Variants in RAD51B observed in about 807,000 individuals in gnomAD.
RAD51B encodes the protein RAD51 paralog B.
A neutral mutation model predicts 42.2 loss-of-function variants in RAD51B; 38 were observed. That is an observed-to-expected ratio of 0.90 (90% CI 0.70 to 1.18). The LOEUF (loss-of-function observed/expected upper bound fraction) is 1.18, where lower values mean the gene tolerates loss of function less well. Among genes scored for constraint, RAD51B ranks in the 50% most tolerant of loss-of-function variants. The pLI is 0.00. For synonymous variants in RAD51B, 154 were observed against 145.2 expected, an observed-to-expected ratio of 1.06 and a Z score of -0.43; for missense variants, 373 against 400.7, an observed-to-expected ratio of 0.93 and a Z score of 0.59.
intron 7 of RAD51B, among the ~76,000 whole-genome samples, chr14:68,179,003 T>C (rs986476302): frequency 6.6e-6 from 1 of 152,204 alleles, no homozygotes; most frequent in African/African-American, 2.4e-5. Flanking sequence ...CCAAGTGTTA[T>C]AAAATGATTG....
chr14:68,599,199 A>G (rs1891122987), downstream of RAD51B, among the ~76,000 whole-genome samples: 1 of 152,218 alleles, frequency 6.6e-6, no homozygotes, highest in Non-Finnish European at 1.5e-5. Context: ...GTGTGGGCAT[A>G]TCTCCATAGC....
At chr14:68,087,081 G>A (rs2076996721) in intron 7 of RAD51B, among the ~76,000 whole-genome samples, 1 of 151,506 alleles carries the variant, frequency 6.6e-6, no homozygotes, top group East Asian at 1.9e-4. Context: ...GTTGCAGTGA[G>A]CCAAGATTGC....
chr14:68,207,428 G>A (rs1408072815), intron 7 of RAD51B, among the ~76,000 whole-genome samples: 1 of 152,166 alleles, frequency 6.6e-6, no homozygotes, highest in African/African-American at 2.4e-5. Flanking sequence ...AGTGGGGGAA[G>A]ATAGAAAATC....
intron 7 of RAD51B, among the ~76,000 whole-genome samples, chr14:68,260,176 G>A (rs2080849106): frequency 6.6e-6 from 1 of 151,932 alleles, no homozygotes; most frequent in African/African-American, 2.4e-5. Context: ...CATCCCCATG[G>A]GTCTTGGGAA....
chr14:67,954,306 G>A lies in RAD51B; in HGVS notation c.756+67102G>A, dbSNP rs140477241. ...GGTAAGATTCTTTGTGCTTAATTCC[G>A]CACTCAGGACAGACTTGGTGAGTCT... On this transcript the variant is annotated intron_variant, in intron 7 of 10. Transcript: ENST00000471583. 3.8e-3 allele frequency among the ~76,000 whole-genome samples: 571 copies of A among 152,178 alleles called. 2 individuals carry two copies. Among genetic ancestry groups the A allele is most frequent in the Non-Finnish European group, 4.9e-3 (332 of 67,994 alleles).
intron 10 of RAD51B, among the ~76,000 whole-genome samples, chr14:68,577,211 A>C (rs1890000300): frequency 6.6e-6 from 1 of 152,204 alleles, no homozygotes; most frequent in Admixed American, 6.5e-5. Context: ...AAGGAGACAC[A>C]TGGGTCCGGG....
chr14:67,860,049 C>T (rs1182243321), intron 4 of RAD51B, among the ~76,000 whole-genome samples: 5 of 152,022 alleles, frequency 3.3e-5, no homozygotes, highest in African/African-American at 9.7e-5. Context: ...CTCGAACTTC[C>T]GACCTCAGGT....
At chr14:68,470,760 TG>T in intron 10 of RAD51B, 1 of 424,330 alleles carries the variant, frequency 2.4e-6, no homozygotes, top group Non-Finnish European at 4.5e-6. Flanking sequence ...TGAGTTTGTG[TG>T]GGGGCTGCAG....
intron 7 of RAD51B, among the ~76,000 whole-genome samples, chr14:67,961,834 T>C (rs2074674374): frequency 6.6e-6 from 1 of 152,196 alleles, no homozygotes; most frequent in Non-Finnish European, 1.5e-5. Flanking sequence ...TGAAAACATT[T>C]AGGAAATTCA....
intron 7 of RAD51B, among the ~76,000 whole-genome samples, chr14:68,147,042 A>G (rs1014823145): frequency 1.3e-5 from 2 of 152,204 alleles, no homozygotes; most frequent in Non-Finnish European, 2.9e-5. Context: ...GAGACTCGCC[A>G]CTTAGAACCA....
intron 10 of RAD51B, among the ~76,000 whole-genome samples, chr14:68,604,920 C>A (rs1455844809): frequency 6.6e-6 from 1 of 152,160 alleles, no homozygotes; most frequent in African/African-American, 2.4e-5. Context: ...TTACTCCATC[C>A]CCTCAGCTTT....
chr14:68,320,960 A>G (rs2082146597), intron 8 of RAD51B, among the ~76,000 whole-genome samples: 1 of 151,768 alleles, frequency 6.6e-6, no homozygotes, highest in Non-Finnish European at 1.5e-5. Context: ...TTCTCCTCCA[A>G]CTCTTAACAC....
intron 11 of RAD51B, among the ~76,000 whole-genome samples, chr14:68,660,920 C>T (rs1892919456): frequency 6.6e-6 from 1 of 152,162 alleles, no homozygotes; most frequent in Non-Finnish European, 1.5e-5. Context: ...GTCCTGCTTG[C>T]TAAGAAAGAG....
chr14:68,005,317 G>A (rs2075569704), intron 7 of RAD51B, among the ~76,000 whole-genome samples: 1 of 152,112 alleles, frequency 6.6e-6, no homozygotes. Context: ...CTCCCAAAGT[G>A]CTGGGATTAC....
chr14:68,395,142 G>A (rs2140027871), intron 8 of RAD51B, among the ~76,000 whole-genome samples: 1 of 152,124 alleles, frequency 6.6e-6, no homozygotes, highest in South Asian at 2.1e-4. Context: ...TAAAGCCAGC[G>A]ATTCTTCCTC....
chr14:68,637,655 C>A (rs976906333), intron 10 of RAD51B, among the ~76,000 whole-genome samples: 1 of 152,178 alleles, frequency 6.6e-6, no homozygotes, highest in East Asian at 1.9e-4. Context: ...GACATGTGGG[C>A]CCGGCAAGGA....
chr14:68,486,226 A>G (rs953138354), intron 10 of RAD51B, among the ~76,000 whole-genome samples: 1 of 152,220 alleles, frequency 6.6e-6, no homozygotes, highest in African/African-American at 2.4e-5. Flanking sequence ...TGACACTTTT[A>G]TCTAGTGACT....
intron 8 of RAD51B, among the ~76,000 whole-genome samples, chr14:68,341,754 C>T (rs914848065): frequency 2.0e-5 from 3 of 152,142 alleles, no homozygotes; most frequent in South Asian, 2.1e-4. Flanking sequence ...AAAAAGAGTC[C>T]TATTGGCCCA....
chr14:68,537,828 G>A (rs1021922481), intron 10 of RAD51B, among the ~76,000 whole-genome samples: 5 of 151,768 alleles, frequency 3.3e-5, no homozygotes, highest in African/African-American at 1.2e-4. Context: ...ATATTTCCAT[G>A]TGTAATCTCA....
Sources: allele counts gnomAD v4.1 joint callset (sites outside exome capture counted in the v4.1 genomes callset), GRCh38; gene constraint gnomAD v4.1.1; transcripts MANE v1.5; gene names NCBI Gene and HGNC (gene_info 2026-07-23, HGNC 2026-07-21).